WWC2: variants seen among roughly 807,000 people sequenced by gnomAD.
WWC2 encodes the protein protein WWC2.
In WWC2, 101 loss-of-function variants were observed where a neutral mutation model predicts 138.5. That is an observed-to-expected ratio of 0.73 (90% CI 0.62 to 0.86). The LOEUF (loss-of-function observed/expected upper bound fraction) is 0.86, where lower values mean the gene tolerates loss of function less well. Among genes scored for constraint, WWC2 ranks in the 40% least tolerant of loss-of-function variants. The pLI is 0.00. For missense variants in WWC2, 1,420 were observed against 1,419.4 expected (o/e 1.00, Z -0.01); for synonymous variants, 558 against 538.4 (o/e 1.04, Z -0.50).
intron 18 of WWC2, 85 bp from the exon 19 acceptor site, chr4:183,284,141 T>A: frequency 6.6e-7 from 1 of 1,519,058 alleles, no homozygotes; most frequent in Non-Finnish European, 8.9e-7. Flanking sequence ...TGTTGTAACA[T>A]TAGATATTTT....
At chr4:183,118,010 G>T (rs983869276) in intron 1 of WWC2, among the ~76,000 whole-genome samples, 1 of 151,780 alleles carries the variant, frequency 6.6e-6, no homozygotes. Context: ...ATGTTGGCCA[G>T]GCTGGTCTTG....
intron 21 of WWC2, among the ~76,000 whole-genome samples, chr4:183,311,970 G>A (rs1290276880): frequency 6.6e-6 from 1 of 152,156 alleles, no homozygotes; most frequent in African/African-American, 2.4e-5. Context: ...TAAATAAGAT[G>A]TTGAAAGTGT....
intron 16 of WWC2, among the ~76,000 whole-genome samples, chr4:183,271,599 C>G (rs895358360): frequency 2.0e-5 from 3 of 152,134 alleles, no homozygotes; most frequent in Non-Finnish European, 4.4e-5. Context: ...ATTCCACTGT[C>G]AGGTTATACA....
At position 183,261,469 on chromosome 4, in the gene WWC2, T is replaced by C. The variant is rs1737327984; in HGVS notation, c.1846T>C (p.Ser616Pro). 6.2e-7 allele frequency: 1 copy of C among 1,612,714 alleles called. No homozygotes were observed. Among genetic ancestry groups the C allele is most frequent in the African/African-American group, 1.3e-5 (1 of 74,910 alleles). The change falls in exon 11 of 23, where the codon TCT becomes CCT. Residue 616 changes from serine (S) to proline (P), a missense_variant. By Grantham distance (74) the Ser-to-Pro change is moderately conservative. Transcript: ENST00000403733. ...TTCTGATTCAGGAGGAGCCTCCCAG[T>C]CTCTTTCAGAGGATAAAGACCTTAA... ...LDSDSGGASQ[S>P]LSEDKDLNEC...
At chr4:183,136,897 A>G in intron 1 of WWC2, among the ~76,000 whole-genome samples, 1 of 152,238 alleles carries the variant, frequency 6.6e-6, no homozygotes, top group Non-Finnish European at 1.5e-5. Flanking sequence ...GCCTATACCT[A>G]AAACCTAGGC....
intron 1 of WWC2, among the ~76,000 whole-genome samples, chr4:183,177,602 A>G (rs997725621): frequency 2.6e-4 from 39 of 152,226 alleles, no homozygotes; most frequent in African/African-American, 8.9e-4. Context: ...AACATTTTGT[A>G]GAAGCAGACT....
chr4:183,312,283 T>C, intron 21 of WWC2, 58 bp from the exon 22 acceptor site: 1 of 1,594,446 alleles, frequency 6.3e-7, no homozygotes, highest in Non-Finnish European at 8.5e-7. Flanking sequence ...ATAGGATGTC[T>C]CCAGGGATTT....
chr4:183,278,050 C>T (rs1489456734), intron 16 of WWC2, among the ~76,000 whole-genome samples: 1 of 151,912 alleles, frequency 6.6e-6, no homozygotes, highest in Non-Finnish European at 1.5e-5. Context: ...GGAGTCCTTG[C>T]CCATGCCTAT....
At chr4:183,107,996 G>A (rs1732093042) in intron 1 of WWC2, among the ~76,000 whole-genome samples, 1 of 151,970 alleles carries the variant, frequency 6.6e-6, no homozygotes, top group East Asian at 1.9e-4. Context: ...GGAATTAAAA[G>A]CAGAATATAT....
chr4:183,187,278 G>A (rs1734833034), intron 1 of WWC2, among the ~76,000 whole-genome samples: 1 of 152,106 alleles, frequency 6.6e-6, no homozygotes, highest in South Asian at 2.1e-4. Context: ...TAGGGGCTGG[G>A]CGCAGTGGCT....
chr4:183,209,370 G>A (rs1251528412), intron 4 of WWC2, among the ~76,000 whole-genome samples: 1 of 152,154 alleles, frequency 6.6e-6, no homozygotes, highest in East Asian at 1.9e-4. Flanking sequence ...TGGGATTACA[G>A]GCGCGTGCCA....
At chr4:183,102,371 AGTGTGTATT>A (rs1188861777) in intron 1 of WWC2, among the ~76,000 whole-genome samples, 1 of 152,198 alleles carries the variant, frequency 6.6e-6, no homozygotes, top group Non-Finnish European at 1.5e-5. Context: ...GTATTTACTC[AGTGTGTATT>A]GTGTGCTAGG....
chr4:183,107,044 G>A (rs1743384141), intron 1 of WWC2, among the ~76,000 whole-genome samples: 1 of 152,188 alleles, frequency 6.6e-6, no homozygotes, highest in Non-Finnish European at 1.5e-5. Flanking sequence ...AGCAGGGTAT[G>A]AGTGTGCAAA....
chr4:183,178,810 A>G (rs1314288802), intron 1 of WWC2, among the ~76,000 whole-genome samples: 1 of 152,206 alleles, frequency 6.6e-6, no homozygotes, highest in Non-Finnish European at 1.5e-5. Context: ...AAGTAAGGCT[A>G]AGGCATCATG....
chr4:183,158,338 G>T (rs1036230241), intron 1 of WWC2, among the ~76,000 whole-genome samples: 2 of 152,006 alleles, frequency 1.3e-5, no homozygotes, highest in Non-Finnish European at 2.9e-5. Context: ...GGGTGGCTTA[G>T]ACAACAGAAA....
At chr4:183,131,160 A>G (rs1262641990) in intron 1 of WWC2, among the ~76,000 whole-genome samples, 3 of 152,196 alleles carry the variant, frequency 2.0e-5, no homozygotes, top group African/African-American at 7.2e-5. Flanking sequence ...TTGGCCATCT[A>G]TATGCAGAAA....
At chr4:183,300,020 G>A (rs1482094348) in intron 21 of WWC2, among the ~76,000 whole-genome samples, 1 of 152,160 alleles carries the variant, frequency 6.6e-6, no homozygotes, top group Non-Finnish European at 1.5e-5. Context: ...ATCTTATTTG[G>A]TGTCCTCGTG....
intron 15 of WWC2, among the ~76,000 whole-genome samples, chr4:183,270,340 A>G (rs1264365241): frequency 6.6e-6 from 1 of 152,180 alleles, no homozygotes; most frequent in Non-Finnish European, 1.5e-5. Flanking sequence ...TTGCCATTCT[A>G]CTAACTTATG....
At chr4:183,279,164 T>G (rs867119079) in intron 16 of WWC2, among the ~76,000 whole-genome samples, 82 of 152,238 alleles carry the variant, frequency 5.4e-4, no homozygotes, top group African/African-American at 1.9e-3. Flanking sequence ...GTACCTAATT[T>G]ATTGAGAGTT....
Sources: allele counts gnomAD v4.1 joint callset (sites outside exome capture counted in the v4.1 genomes callset), GRCh38; gene constraint gnomAD v4.1.1; transcripts MANE v1.5; gene names NCBI Gene and HGNC (gene_info 2026-07-23, HGNC 2026-07-21).